Variants in TCF20 observed in about 807,000 individuals in gnomAD.
TCF20 encodes the protein SPRE-binding protein.
TCF20 carries 3 observed loss-of-function variants against 148.6 expected under a neutral mutation model. The ratio of observed to expected loss-of-function variants is 0.02; its 90% CI spans 0.01 to 0.05. The LOEUF is 0.05. Among genes scored for constraint, TCF20 ranks in the 10% least tolerant of loss-of-function variants. The probability of loss-of-function intolerance (pLI) is 1.00; values close to 1 mark genes in which losing one functional copy is unlikely to be tolerated. For synonymous variants in TCF20, 1,049 were observed against 909.5 expected (o/e 1.15, Z -2.76); for missense variants, 2,350 against 2,429.3 (o/e 0.97, Z 0.69).
At chr22:42,306,263 G>A (rs929125178) in intron 1 of TCF20, among the ~76,000 whole-genome samples, 12 of 152,264 alleles carry the variant, frequency 7.9e-5, no homozygotes, top group African/African-American at 2.7e-4. Flanking sequence ...TGGGAAATTA[G>A]GAGTTGCCAC....
At chr22:42,238,019 C>T (rs570508632) in intron 1 of TCF20, among the ~76,000 whole-genome samples, 11 of 152,348 alleles carry the variant, frequency 7.2e-5, no homozygotes, top group South Asian at 6.2e-4. Context: ...CTCCTAATAA[C>T]AGTCAGCCTG....
intron 3 of TCF20, among the ~76,000 whole-genome samples, chr22:42,172,791 T>C (rs1204280693): frequency 1.3e-5 from 2 of 152,222 alleles, no homozygotes; most frequent in African/African-American, 4.8e-5. Context: ...ACCTACACTC[T>C]ACCCCAGTAC....
Position 42,172,263 on chromosome 22 carries a change from G to T in TCF20, c.5750-2367C>A, listed in dbSNP as rs117618797. ...AGCTAGAGAGCTCAGAAACCTGGAG[G>T]GCACAGGGGAGCTTCTCCTCTTACC... On this transcript the variant is annotated intron_variant, in intron 3 of 5. Transcript: ENST00000677622. 5.3e-5 allele frequency among the ~76,000 whole-genome samples: 8 copies of T among 152,342 alleles called. No homozygotes were observed. The East Asian group carries it at 1.5e-3, about 29-fold the overall frequency.
chr22:42,309,575 C>T (rs919854367), intron 1 of TCF20, among the ~76,000 whole-genome samples: 7 of 151,998 alleles, frequency 4.6e-5, no homozygotes, highest in Admixed American at 3.9e-4. Context: ...CCCTACCCAT[C>T]TACGGCTGCT....
At chr22:42,186,957 C>T (rs934281947) in intron 2 of TCF20, among the ~76,000 whole-genome samples, 9 of 152,266 alleles carry the variant, frequency 5.9e-5, no homozygotes, top group Non-Finnish European at 8.8e-5. Context: ...TGAGAAAAAC[C>T]GCCTCACAGG....
At chr22:42,233,978 C>A (rs1255992323) in intron 1 of TCF20, among the ~76,000 whole-genome samples, 1 of 152,186 alleles carries the variant, frequency 6.6e-6, no homozygotes. Flanking sequence ...AAATTACTTT[C>A]AATGCCTCTA....
intron 1 of TCF20, chr22:42,278,779 A>G (rs549628727): frequency 6.6e-6 from 1 of 152,398 alleles, no homozygotes. Flanking sequence ...TGTGAATACG[A>G]TGACCATCCC....
intron 2 of TCF20, among the ~76,000 whole-genome samples, chr22:42,203,111 A>G (rs1052798525): frequency 6.6e-6 from 1 of 152,076 alleles, no homozygotes; most frequent in African/African-American, 2.4e-5. Context: ...GTTTATCAAT[A>G]TTTTTGTTTA....
intron 3 of TCF20, among the ~76,000 whole-genome samples, chr22:42,171,425 G>A (rs972136696): frequency 5.3e-5 from 8 of 152,096 alleles, no homozygotes; most frequent in African/African-American, 7.2e-5. Context: ...TTCAGGTCCC[G>A]GTATCCTAAA....
intron 1 of TCF20, among the ~76,000 whole-genome samples, chr22:42,218,945 A>G (rs1393599257): frequency 6.6e-6 from 1 of 152,122 alleles, no homozygotes; most frequent in Non-Finnish European, 1.5e-5. Flanking sequence ...GGTTCCAGTC[A>G]TGCTAAATAT....
At chr22:42,188,159 T>C (rs1232321075) in intron 2 of TCF20, among the ~76,000 whole-genome samples, 1 of 151,612 alleles carries the variant, frequency 6.6e-6, no homozygotes, top group East Asian at 1.9e-4. Context: ...CTGGGTGTGG[T>C]GGTGCATGGC....
chr22:42,324,812 T>C (rs1927844124), intron 1 of TCF20, among the ~76,000 whole-genome samples: 1 of 152,244 alleles, frequency 6.6e-6, no homozygotes, highest in African/African-American at 2.4e-5. Flanking sequence ...TCTCATGCAA[T>C]CTCCCAGCAG....
At position 42,323,968 on chromosome 22, in the gene TCF20, ATGGTGGTGG is replaced by A. The variant is rs1431725988; in HGVS notation, c.-37+19502_-37+19510del. 3.4e-3 allele frequency among the ~76,000 whole-genome samples: 16 copies of A among 4,726 alleles called. 1 individual carries two copies. Among genetic ancestry groups the A allele is most frequent in the African/African-American group, 7.0e-3 (6 of 852 alleles). The allele number at this position is 4,726 out of a possible 152,430, so 3.1% of individuals were successfully genotyped here. A position where few individuals can be genotyped will look rare whatever the true frequency, so the allele number is the denominator to read the frequency against. The stretch of plus-strand genomic sequence containing the variant: ...GATGGAGGTTATGGTGGTGGTGGTG[ATGGTGGTGG>A]TGGAGGTTATGGTGGTGGAGGTGGT... On this transcript the variant is annotated intron_variant, in intron 1 of 1. Transcript: ENST00000515426.
intron 1 of TCF20, among the ~76,000 whole-genome samples, chr22:42,261,113 A>G (rs144005280): frequency 7.4e-4 from 112 of 152,272 alleles, no homozygotes; most frequent in Admixed American, 2.7e-3. Flanking sequence ...CACCCATTAC[A>G]TATGATTTTT....
chr22:42,330,986 G>A (rs1003837639), intron 1 of TCF20, among the ~76,000 whole-genome samples: 7 of 152,212 alleles, frequency 4.6e-5, no homozygotes, highest in Admixed American at 4.6e-4. Flanking sequence ...ACCCAGGGCC[G>A]CCACCCCCTG....
At chr22:42,305,174 C>T (rs571791617) in intron 1 of TCF20, among the ~76,000 whole-genome samples, 16 of 152,210 alleles carry the variant, frequency 1.1e-4, no homozygotes, top group East Asian at 1.9e-4. Context: ...GTCAGACCCA[C>T]GCTCCAGCTC....
At chr22:42,335,308 C>T (rs1928047369) in intron 1 of TCF20, among the ~76,000 whole-genome samples, 1 of 152,198 alleles carries the variant, frequency 6.6e-6, no homozygotes, top group South Asian at 2.1e-4. Context: ...GCACCCCCTG[C>T]ACCTCCCACT....
intron 1 of TCF20, among the ~76,000 whole-genome samples, chr22:42,319,616 C>T (rs538059313): frequency 6.6e-6 from 1 of 152,336 alleles, no homozygotes; most frequent in South Asian, 2.1e-4. Context: ...GTTTTCACTT[C>T]TACCAGCGCT....
chr22:42,203,114 T>C (rs1938152609), intron 2 of TCF20, among the ~76,000 whole-genome samples: 1 of 152,218 alleles, frequency 6.6e-6, no homozygotes, highest in African/African-American at 2.4e-5. Context: ...TATCAATATT[T>C]TTGTTTATGG....
Sources: allele counts gnomAD v4.1 joint callset (sites outside exome capture counted in the v4.1 genomes callset), GRCh38; gene constraint gnomAD v4.1.1; transcripts MANE v1.5; gene names NCBI Gene and HGNC (gene_info 2026-07-23, HGNC 2026-07-21).